Variants in SORCS1 observed in about 807,000 individuals in gnomAD.
SORCS1 encodes sortilin related VPS10 domain containing receptor 1.
Under a neutral mutation model 146.1 loss-of-function variants are expected in SORCS1, and 60 were observed. The observed-to-expected ratio is 0.41, with a 90% CI of 0.33 to 0.51. The LOEUF (loss-of-function observed/expected upper bound fraction) is 0.51, where lower values mean the gene tolerates loss of function less well. Among genes scored for constraint, SORCS1 ranks in the 20% least tolerant of loss-of-function variants. SORCS1 has a pLI of 0.21. For missense variants in SORCS1, 1,352 were observed against 1,487.6 expected, an observed-to-expected ratio of 0.91 and a Z score of 1.50; for synonymous variants, 637 against 584.0, an observed-to-expected ratio of 1.09 and a Z score of -1.31.
chr10:107,142,337 C>T (rs1967919236), intron 1 of SORCS1, among the ~76,000 whole-genome samples: 1 of 152,194 alleles, frequency 6.6e-6, no homozygotes, highest in South Asian at 2.1e-4. Context: ...AGAACCCGCG[C>T]TGCAAGAAGC....
At chr10:106,720,286 T>C (rs1264687434) in intron 6 of SORCS1, among the ~76,000 whole-genome samples, 1 of 152,146 alleles carries the variant, frequency 6.6e-6, no homozygotes, top group Non-Finnish European at 1.5e-5. Context: ...GAATGAATAA[T>C]AGGTCCAGAG....
chr10:106,634,297 A>T (rs1848606168), intron 18 of SORCS1, among the ~76,000 whole-genome samples: 1 of 152,128 alleles, frequency 6.6e-6, no homozygotes, highest in South Asian at 2.1e-4. Flanking sequence ...CCTGCGAATG[A>T]TCCTTTTTAG....
At chr10:106,638,798 C>T (rs1848878889) in intron 18 of SORCS1, among the ~76,000 whole-genome samples, 1 of 152,084 alleles carries the variant, frequency 6.6e-6, no homozygotes, top group Non-Finnish European at 1.5e-5. Context: ...AGTCAGGTGG[C>T]AACCTGGGAA....
intron 1 of SORCS1, among the ~76,000 whole-genome samples, chr10:106,991,523 T>G (rs982426133): frequency 6.6e-6 from 1 of 152,230 alleles, no homozygotes; most frequent in Admixed American, 6.5e-5. Context: ...ATCTTCTCCA[T>G]GTGAGTCCTC....
intron 1 of SORCS1, among the ~76,000 whole-genome samples, chr10:107,069,152 C>A (rs1962193327): frequency 6.6e-6 from 1 of 152,102 alleles, no homozygotes; most frequent in Admixed American, 6.5e-5. Context: ...TAAGCACGTC[C>A]AGAGGAGTGC....
Position 106,672,979 on chromosome 10 carries a change from A to G in SORCS1, c.1947T>C (p.Phe649=). 1 of 1,613,304 alleles carries G rather than the reference A, an allele frequency of 6.2e-7. No individual in the cohort carries two copies. Among genetic ancestry groups the G allele is most frequent in the East Asian group, 2.2e-5 (1 of 44,850 alleles). The change falls in exon 15 of 26, where the codon TTT becomes TTC. Residue 649 remains phenylalanine (F), a synonymous_variant. Transcript: ENST00000263054. ...ATTCAGAGCGGTGGCTGAAGTGTCCAAACACTCTACAGAGTTCATGGTGAT... is the reference window on the plus strand; with the variant it reads ...ATTCAGAGCGGTGGCTGAAGTGTCCGAACACTCTACAGAGTTCATGGTGAT... ...PGEETLIMTV[F]GHFSHRSEWQ...
At chr10:106,713,476 A>G (rs542041372) in intron 6 of SORCS1, among the ~76,000 whole-genome samples, 19 of 149,068 alleles carry the variant, frequency 1.3e-4, no homozygotes, top group Middle Eastern at 6.8e-3. Context: ...AAGATGGAAA[A>G]TAATAACATA....
intron 7 of SORCS1, 56 bp from the exon 8 acceptor site, chr10:106,706,690 C>G: frequency 6.7e-7 from 1 of 1,503,732 alleles, no homozygotes; most frequent in Non-Finnish European, 9.3e-7. Flanking sequence ...AGGCACAGGT[C>G]ACAGAACAGT....
intron 1 of SORCS1, among the ~76,000 whole-genome samples, chr10:107,089,727 C>G (rs1015286502): frequency 1.3e-5 from 2 of 152,148 alleles, no homozygotes; most frequent in African/African-American, 4.8e-5. Context: ...ACAGGTTATT[C>G]CAGGTGTAAA....
At chr10:106,697,716 T>C (rs1487900213) in intron 9 of SORCS1, among the ~76,000 whole-genome samples, 1 of 152,178 alleles carries the variant, frequency 6.6e-6, no homozygotes. Context: ...AAATCACATC[T>C]AGTAGGTTTC....
At chr10:106,616,085 GATC>G (rs1221945641) in intron 21 of SORCS1, among the ~76,000 whole-genome samples, 4 of 152,154 alleles carry the variant, frequency 2.6e-5, no homozygotes, top group African/African-American at 9.7e-5. Flanking sequence ...CCATCGTTAT[GATC>G]ATATTTGTCA....
Position 106,679,599 on chromosome 10 carries a change from T to C in SORCS1, c.1663+33A>G, listed in dbSNP as rs766603928. The stretch of plus-strand genomic sequence containing the variant: ...CTAGCTTCTTAAAATAAACACTATT[T>C]ACCACAGCCAGCAAACCAGGTAAGC... On this transcript the variant is annotated intron_variant, in intron 11 of 25. Coordinates refer to ENST00000263054, the MANE Select transcript of SORCS1 (RefSeq NM_052918.5). 54 of 1,538,796 alleles carry C rather than the reference T, an allele frequency of 3.5e-5. No individual in the cohort carries two copies. In the South Asian group the frequency reaches 6.3e-4, roughly 18 times the overall value.
chr10:107,092,421 A>T (rs1964249056), intron 1 of SORCS1, among the ~76,000 whole-genome samples: 1 of 152,218 alleles, frequency 6.6e-6, no homozygotes, highest in Non-Finnish European at 1.5e-5. Context: ...TCCATATTGC[A>T]TGGTGAGAGG....
chr10:106,964,159 G>T (rs1955389375), intron 1 of SORCS1, among the ~76,000 whole-genome samples: 1 of 152,188 alleles, frequency 6.6e-6, no homozygotes, highest in Non-Finnish European at 1.5e-5. Flanking sequence ...AAAGGTTAGA[G>T]TATGAGCAGG....
In SORCS1 at chr10:106,706,595, G is replaced by C; in HGVS notation, c.1183C>G (p.Arg395Gly). ...TTCATTTGGGCAAATGCATTCCTTC[G>C]GTAGGACACGTAGTAATGTGGCCGC... ...GGRPHYYVSY[R>G]RNAFAQMKLP... is the part of the protein sequence containing the mutation. The change falls in exon 8 of 26, where the codon CGA becomes GGA. Residue 395 changes from arginine to glycine, a missense_variant. Coordinates refer to ENST00000263054, the MANE Select transcript of SORCS1 (RefSeq NM_052918.5). 1 of 1,614,126 alleles carries C rather than the reference G, an allele frequency of 6.2e-7. No individual in the cohort carries two copies. Among genetic ancestry groups the C allele is most frequent in the African/African-American group, 1.3e-5 (1 of 75,044 alleles).
At position 106,957,165 on chromosome 10, in the gene SORCS1, G is replaced by GTT. The variant is rs374081494; in HGVS notation, c.559-587_559-586dup. On this transcript the variant is annotated intron_variant, in intron 1 of 25. Coordinates refer to ENST00000263054, the MANE Select transcript of SORCS1 (RefSeq NM_052918.5). Reference sequence around the variant, plus strand: ...ATCTATTAGCATGTGGTTTTTTTTTGTTTTTTTTGTTTTTTTTTTTGGAGA... The same window carrying GTT: ...ATCTATTAGCATGTGGTTTTTTTTTGTTTTTTTTTTGTTTTTTTTTTTGGAGA... 2.5e-4 allele frequency among the ~76,000 whole-genome samples: 34 copies of GTT among 138,074 alleles called. 1 individual carries two copies. The highest frequency in any genetic ancestry group is 6.5e-4 in the African/African-American group (23 of 35,458). 90.6% of individuals were successfully genotyped at this position (138,074 alleles called of 152,430 possible).
chr10:106,621,281 A>G (rs540052331), intron 19 of SORCS1, among the ~76,000 whole-genome samples: 26 of 152,300 alleles, frequency 1.7e-4, no homozygotes, highest in African/African-American at 6.0e-4. Context: ...CTCTTCATAA[A>G]GAACCACTAG....
At chr10:106,951,116 G>A (rs566747532) in intron 2 of SORCS1, among the ~76,000 whole-genome samples, 97 of 152,152 alleles carry the variant, frequency 6.4e-4, no homozygotes, top group Admixed American at 3.7e-3. Flanking sequence ...ATTTCCGGGC[G>A]GCTGCTTCAA....
At chr10:107,023,049 G>A (rs1321916504) in intron 1 of SORCS1, among the ~76,000 whole-genome samples, 2 of 152,180 alleles carry the variant, frequency 1.3e-5, no homozygotes, top group African/African-American at 2.4e-5. Context: ...CCAAGTTCAC[G>A]GTGCAGTATG....
Sources: gnomAD v4.1 joint callset for allele counts (sites outside exome capture counted in the v4.1 genomes callset) on GRCh38, gnomAD v4.1.1 for gene constraint, MANE v1.5 for transcripts, NCBI Gene and HGNC (gene_info 2026-07-23, HGNC 2026-07-21) for gene names.